Variants in SUPT3H observed in about 807,000 individuals in gnomAD.
SUPT3H encodes transcription initiation protein SPT3 homolog.
A neutral mutation model predicts 44.3 loss-of-function variants in SUPT3H; 44 were observed. The ratio of observed to expected loss-of-function variants is 0.99; its 90% confidence interval spans 0.78 to 1.28. SUPT3H has a LOEUF of 1.28. Ranked by LOEUF, SUPT3H falls within the 50% of genes most tolerant of loss-of-function variation. The pLI, the probability that SUPT3H is intolerant of heterozygous loss-of-function variation, is 0.00. For missense variants in SUPT3H, 380 were observed against 387.1 expected (o/e 0.98, Z 0.15); for synonymous variants, 124 against 125.6 (o/e 0.99, Z 0.09).
chr6:45,322,602 T>A (rs1450396774), intron 2 of SUPT3H, among the ~76,000 whole-genome samples: 2 of 152,066 alleles, frequency 1.3e-5, no homozygotes, highest in African/African-American at 4.8e-5. Flanking sequence ...ATGCTAGAAC[T>A]CAAGGTATTT....
At chr6:44,838,075 T>C (rs1350917277) in intron 10 of SUPT3H, among the ~76,000 whole-genome samples, 2 of 152,216 alleles carry the variant, frequency 1.3e-5, no homozygotes, top group Non-Finnish European at 2.9e-5. Flanking sequence ...TTAAGGTCTT[T>C]AAGAATTCTT....
chr6:44,985,998 A>G (rs1042608234), intron 6 of SUPT3H, among the ~76,000 whole-genome samples: 1 of 152,196 alleles, frequency 6.6e-6, no homozygotes, highest in Admixed American at 6.5e-5. Flanking sequence ...GACTTAAGAT[A>G]ATGAGGGTTC....
chr6:45,152,341 T>C (rs895108437), intron 2 of SUPT3H, among the ~76,000 whole-genome samples: 1 of 152,142 alleles, frequency 6.6e-6, no homozygotes, highest in Middle Eastern at 3.2e-3. Flanking sequence ...ATTTCCACAA[T>C]GCAATCAATT....
At chr6:44,876,520 G>A in intron 10 of SUPT3H, among the ~76,000 whole-genome samples, 1 of 120,508 alleles carries the variant, frequency 8.3e-6, no homozygotes, top group Non-Finnish European at 1.7e-5. Context: ...GGGGGAGGGG[G>A]GAGGGATAGC....
chr6:44,923,928 C>T (rs559852046), intron 10 of SUPT3H, among the ~76,000 whole-genome samples: 2 of 152,034 alleles, frequency 1.3e-5, no homozygotes, highest in Admixed American at 6.6e-5. Flanking sequence ...ATGAAGTTCA[C>T]CAAATATGGT....
At chr6:45,138,505 T>C (rs1178440350) in intron 2 of SUPT3H, among the ~76,000 whole-genome samples, 2 of 152,210 alleles carry the variant, frequency 1.3e-5, no homozygotes, top group African/African-American at 4.8e-5. Flanking sequence ...GTCCATACAA[T>C]GGAATATTTT....
chr6:45,260,769 C>A (rs1774229649), intron 2 of SUPT3H, among the ~76,000 whole-genome samples: 1 of 152,046 alleles, frequency 6.6e-6, no homozygotes, highest in South Asian at 2.1e-4. Context: ...TATAAAAGAT[C>A]ATCTCTGAAC....
chr6:45,329,779 CTT>C (rs1430927658), intron 2 of SUPT3H, among the ~76,000 whole-genome samples: 1 of 151,942 alleles, frequency 6.6e-6, no homozygotes, highest in Non-Finnish European at 1.5e-5. Flanking sequence ...ATGTAAATGA[CTT>C]TAACATTCAT....
chr6:44,850,302 C>A (rs1185359240), intron 10 of SUPT3H, among the ~76,000 whole-genome samples: 1 of 152,222 alleles, frequency 6.6e-6, no homozygotes, highest in African/African-American at 2.4e-5. Context: ...TTCCCCTCCA[C>A]TTCCCCCTAA....
chr6:45,278,092 C>T (rs755718832), intron 2 of SUPT3H, among the ~76,000 whole-genome samples: 18 of 127,460 alleles, frequency 1.4e-4, no homozygotes, highest in Non-Finnish European at 2.2e-4. Flanking sequence ...ATGGACACAG[C>T]GAGGGGAACA....
intron 2 of SUPT3H, among the ~76,000 whole-genome samples, chr6:45,189,740 C>T (rs771336725): frequency 2.7e-4 from 41 of 152,148 alleles, no homozygotes; most frequent in Non-Finnish European, 5.3e-4. Context: ...AAACTAAGAG[C>T]CTTACCTTTG....
chr6:45,075,384 G>A (rs1289694085), intron 3 of SUPT3H, among the ~76,000 whole-genome samples: 1 of 151,998 alleles, frequency 6.6e-6, no homozygotes, highest in African/African-American at 2.4e-5. Flanking sequence ...TGACTACATG[G>A]TATTTGTGAG....
At chr6:44,856,413 T>A (rs1773735783) in intron 10 of SUPT3H, among the ~76,000 whole-genome samples, 2 of 152,182 alleles carry the variant, frequency 1.3e-5, no homozygotes, top group African/African-American at 4.8e-5. Context: ...CTCAAGATCA[T>A]TAGACATGGT....
intron 10 of SUPT3H, among the ~76,000 whole-genome samples, chr6:44,885,700 G>A (rs1356404188): frequency 6.6e-6 from 1 of 152,146 alleles, no homozygotes; most frequent in African/African-American, 2.4e-5. Context: ...AGTCTAAAAA[G>A]CAGAGCACCT....
At chr6:44,950,647 C>T (rs1025614287) in intron 9 of SUPT3H, among the ~76,000 whole-genome samples, 1 of 151,896 alleles carries the variant, frequency 6.6e-6, no homozygotes, top group African/African-American at 2.4e-5. Context: ...ATTAAACTTG[C>T]TAATCTAGTA....
intron 10 of SUPT3H, among the ~76,000 whole-genome samples, chr6:44,890,481 T>C (rs1287724967): frequency 6.7e-6 from 1 of 150,196 alleles, no homozygotes; most frequent in African/African-American, 2.5e-5. Context: ...AAATTGGAAA[T>C]CATCATTCTC....
intron 2 of SUPT3H, chr6:45,321,768 G>A (rs751950100): frequency 1.5e-5 from 23 of 1,490,572 alleles, no homozygotes; most frequent in Admixed American, 1.7e-5. Flanking sequence ...CTTGAAAAGC[G>A]ATAGGAACAC....
intron 2 of SUPT3H, among the ~76,000 whole-genome samples, chr6:45,234,512 C>T (rs1253546425): frequency 1.0e-4 from 13 of 127,452 alleles, no homozygotes; most frequent in African/African-American, 3.8e-4. Flanking sequence ...GCCTGGGAGA[C>T]AGAACGAGAC....
chr6:45,209,095 C>A (rs1763676536), intron 2 of SUPT3H, among the ~76,000 whole-genome samples: 1 of 152,176 alleles, frequency 6.6e-6, no homozygotes, highest in South Asian at 2.1e-4. Flanking sequence ...ACCTACTACT[C>A]AGAAAAAAGA....
Sources: gnomAD v4.1 joint callset for allele counts (sites outside exome capture counted in the v4.1 genomes callset) on GRCh38, gnomAD v4.1.1 for gene constraint, MANE v1.5 for transcripts, NCBI Gene and HGNC (gene_info 2026-07-23, HGNC 2026-07-21) for gene names.